The following PALM3 variants were observed in gnomAD, a reference collection of about 807,000 sequenced individuals.
The protein encoded by PALM3 is paralemmin-3.
PALM3 carries 20 observed loss-of-function variants against 27.9 expected under a neutral mutation model. The ratio of observed to expected loss-of-function variants is 0.72; its 90% CI spans 0.50 to 1.04. PALM3 has a LOEUF of 1.04. Ranked by LOEUF, PALM3 falls within the 50% of genes least tolerant of loss-of-function variation. The pLI is 0.00. For missense variants in PALM3, 814 were observed against 869.4 expected (o/e 0.94, Z 0.80); for synonymous variants, 328 against 352.7 (o/e 0.93, Z 0.79).
Position 14,057,243 on chromosome 19 carries a change from T to TC in PALM3, c.171+107dup, listed in dbSNP as rs1264189249. ...GGAACCAACGCCCCCAACTGCCCGC[T>TC]CCCCCCCAAAAATTGGACAGAGGCT... On this transcript the variant is annotated intron_variant, in intron 3 of 6. Transcript: ENST00000669674. 20 of 125,768 alleles carry TC rather than the reference T, an allele frequency of 1.6e-4. No individual in the cohort carries two copies. The Admixed American group carries it at 1.8e-3, about 11-fold the overall frequency. 7.8% of individuals were successfully genotyped at this position (125,768 alleles called of 1,614,324 possible).
At chr19:14,058,943 G>T (rs965486015) in intron 2 of PALM3, among the ~76,000 whole-genome samples, 172 bp downstream of exon 2, 3 of 151,954 alleles carry the variant, frequency 2.0e-5, no homozygotes, top group Non-Finnish European at 4.4e-5. Context: ...CCATTCTGAG[G>T]GTGGTAGTGA....
In PALM3 at chr19:14,057,409, T is replaced by A. The variant is rs1157679599; in HGVS notation, c.113A>T (p.Glu38Val). 1.3e-6 allele frequency: 2 copies of A among 1,541,364 alleles called. No homozygotes were observed. The highest frequency in any genetic ancestry group is 3.9e-5 in the Admixed American group (2 of 50,774). The change falls in exon 3 of 7, where the codon GAG becomes GTG. Residue 38 changes from glutamate to valine, a missense_variant. Transcript: ENST00000669674. ...CACCTCCCGGCGCGCGGCGCGGATCTCCTCCTGCAGCCGCCGCTTCTCCTG... is the reference window on the plus strand; with the variant it reads ...CACCTCCCGGCGCGCGGCGCGGATCACCTCCTGCAGCCGCCGCTTCTCCTG... ...VIAEKRRLQE[E>V]IRAARREVEE...
chr19:14,054,672 C>T lies in PALM3; in HGVS notation c.1000G>A (p.Glu334Lys). 6.4e-7 allele frequency: 1 copy of T among 1,551,434 alleles called. No homozygotes were observed. Among genetic ancestry groups the T allele is most frequent in the Non-Finnish European group, 8.7e-7 (1 of 1,146,814 alleles). ...TCAGGGCTGCCCTGGGGCACATCTT[C>T]CCCTTCTATGGAAGCTGCTGCCTCT... ...RLEAAASIEGEDVPQGSPEGD... is the reference protein window; with the variant it reads ...RLEAAASIEGKDVPQGSPEGD... The change falls in exon 7 of 7, where the codon GAA becomes AAA. Residue 334 changes from glutamate (E) to lysine (K), a missense_variant. Physicochemically the swap from Glu to Lys is moderately conservative, Grantham distance 56. Transcript: ENST00000669674.
In PALM3 at chr19:14,056,472, C is replaced by T; in HGVS notation, c.356G>A (p.Gly119Asp). ...CCTGCCTGAGGGCTTGTGCTGGGCA[C>T]CTGTGGAAGCACTTTGCAACAGTTG... ...QLQLLQSASTGAQHKPSGRPS... is the reference protein window; with the variant it reads ...QLQLLQSASTDAQHKPSGRPS... The change falls in exon 5 of 7, where the codon GGT becomes GAT. Residue 119 changes from glycine to aspartate, a missense_variant. Coordinates refer to ENST00000669674, the MANE Select transcript of PALM3 (RefSeq NM_001145028.2). The T allele has an allele frequency of 6.4e-7, 1 of 1,551,694 alleles. No homozygotes were observed. The highest frequency in any genetic ancestry group is 1.4e-5 in the African/African-American group (1 of 73,170).
rs1976369280 is a variant in PALM3, at chr19:14,058,985, G to T, written c.90+130C>A. ...AGGAACTGGGGGGCAGAGGGGGCTG[G>T]AGAATTGGTGTGGGGAGCCCTGGGC... On this transcript the variant is annotated intron_variant, in intron 2 of 6. Coordinates refer to ENST00000669674, the MANE Select transcript of PALM3 (RefSeq NM_001145028.2). 5 of 777,256 alleles carry T rather than the reference G, an allele frequency of 6.4e-6. No individual in the cohort carries two copies. The South Asian group carries it at 9.2e-5, about 14-fold the overall frequency. 48.1% of individuals were successfully genotyped at this position (777,256 alleles called of 1,614,324 possible).
intron 2 of PALM3, among the ~76,000 whole-genome samples, chr19:14,058,625 GGTAT>G (rs1420893211): frequency 1.3e-5 from 2 of 151,838 alleles, no homozygotes; most frequent in South Asian, 4.2e-4. Context: ...GGATAGATGG[GGTAT>G]GTAAGTGCGT....
rs1976263626 is a variant in PALM3 at position 14,054,641 on chromosome 19, T to C, written c.1031A>G (p.Asp344Gly). 1 of 1,551,290 alleles carries C rather than the reference T, an allele frequency of 6.4e-7. No homozygotes were observed. Among genetic ancestry groups the C allele is most frequent in the Non-Finnish European group, 8.7e-7 (1 of 1,146,782 alleles). Residue 344 changes from aspartate to glycine, a missense_variant, in exon 7 of 7, where the codon GAT (aspartate) becomes GGT (glycine). Coordinates refer to ENST00000669674, the MANE Select transcript of PALM3 (RefSeq NM_001145028.2). ...EDVPQGSPEG[D>G]GQGGSGGEEG... Reference sequence around the variant, plus strand: ...CTCTCCTCCAGAGCCTCCCTGCCCATCACCCTCAGGGCTGCCCTGGGGCAC... The same window carrying C: ...CTCTCCTCCAGAGCCTCCCTGCCCACCACCCTCAGGGCTGCCCTGGGGCAC...
intron 1 of PALM3, among the ~76,000 whole-genome samples, chr19:14,060,133 G>A (rs976601793): frequency 5.3e-5 from 8 of 152,052 alleles, no homozygotes; most frequent in Non-Finnish European, 8.8e-5. Context: ...CTCTCTGCCT[G>A]TCATCTCCAC....
At chr19:14,056,297 G>A in intron 5 of PALM3, 132 bp downstream of exon 5, 1 of 892,076 alleles carries the variant, frequency 1.1e-6, no homozygotes, top group African/African-American at 1.7e-5. Context: ...CAAAGTAAAA[G>A]CGGGAAGCGG....
In PALM3 at chr19:14,056,890, G is replaced by A. The variant is rs1336673726; in HGVS notation, c.172-86C>T. On this transcript the variant is annotated intron_variant, in intron 3 of 6. Transcript: ENST00000669674. ...CCTCCCGACCTCTGCAGGCTGGGCA[G>A]GTATCTTATCACCACCTCACAACCA... 11 of 1,381,714 alleles carry A rather than the reference G, an allele frequency of 8.0e-6. No homozygotes were observed. In the African/African-American group the frequency reaches 1.4e-4, roughly 17 times the overall value. 85.6% of individuals were successfully genotyped at this position (1,381,714 alleles called of 1,614,324 possible).
intron 1 of PALM3, among the ~76,000 whole-genome samples, chr19:14,060,852 C>T (rs1193858388): frequency 6.6e-6 from 1 of 152,264 alleles, no homozygotes; most frequent in Non-Finnish European, 1.5e-5. Flanking sequence ...CCCCCGCTTC[C>T]TGGGTTCAAG....
chr19:14,058,848 C>T (rs1342721289), intron 2 of PALM3, among the ~76,000 whole-genome samples: 1 of 151,822 alleles, frequency 6.6e-6, no homozygotes, highest in African/African-American at 2.4e-5. Flanking sequence ...AGAGATGCGG[C>T]TCAGGCATGG....
rs956062963 is a variant in PALM3 at position 14,054,940 on chromosome 19, C to T, written c.732G>A (p.Glu244=). 1.9e-6 allele frequency: 3 copies of T among 1,549,506 alleles called. No homozygotes were observed. Among genetic ancestry groups the T allele is most frequent in the Non-Finnish European group, 2.6e-6 (3 of 1,146,936 alleles). ...GGCCCGTGGCCCCTGTGGCACAGTCCTCTGTGGCCCTCAGCCCTTCCCACA... is the reference window on the plus strand; with the variant it reads ...GGCCCGTGGCCCCTGTGGCACAGTCTTCTGTGGCCCTCAGCCCTTCCCACA... The part of the protein sequence containing the change: ...SVVWEGLRAT[E]DCATGATGPE... Residue 244 remains glutamate (E), a synonymous_variant, in exon 7 of 7, where the codon GAG becomes GAA. Coordinates refer to ENST00000669674, the MANE Select transcript of PALM3 (RefSeq NM_001145028.2).
intron 1 of PALM3, among the ~76,000 whole-genome samples, chr19:14,060,711 A>G (rs951348878): frequency 6.6e-6 from 1 of 152,122 alleles, no homozygotes; most frequent in Non-Finnish European, 1.5e-5. Context: ...AAGGTAGCTA[A>G]GAGAGCAGCC....
chr19:14,057,314 TC>T, intron 3 of PALM3, 36 bp downstream of exon 3: 1 of 1,412,136 alleles, frequency 7.1e-7, no homozygotes, highest in Non-Finnish European at 9.4e-7. Context: ...CCCACTCCAT[TC>T]CCCAGGCTAG....
At position 14,054,193 on chromosome 19, in the gene PALM3, CTCT is replaced by C. The variant is rs761890735; in HGVS notation, c.1476_1478del (p.Glu496del). The C allele has an allele frequency of 1.1e-5, 17 of 1,551,868 alleles. No individual in the cohort carries two copies. The highest frequency in any genetic ancestry group is 8.2e-5 in the African/African-American group (6 of 72,926). Reference sequence around the variant, plus strand: ...CCAATGGTTCTTCTACCTCCTCCTCCTCTGCCCCTCGCTTTTCCTCATCTCCTT... The same window carrying C: ...CCAATGGTTCTTCTACCTCCTCCTCCGCCCCTCGCTTTTCCTCATCTCCTT... On this transcript the variant is annotated inframe_deletion, in exon 7 of 7. Coordinates refer to ENST00000669674, the MANE Select transcript of PALM3 (RefSeq NM_001145028.2).
At position 14,055,134 on chromosome 19, in the gene PALM3, C is replaced by T; in HGVS notation, c.538G>A (p.Gly180Arg). The T allele has an allele frequency of 6.4e-7, 1 of 1,551,218 alleles. No individual in the cohort carries two copies. The highest frequency in any genetic ancestry group is 1.7e-4 in the Middle Eastern group (1 of 5,988). The part of the protein sequence containing the change: ...SPSEPREDVL[G>R]FLPGPRQVPG... ...ACCTGCCTCGGGCCTGGCAGAAACC[C>T]CAAGACATCCTCCCTGGGCTCAGAG... is the stretch of plus-strand genomic sequence containing the variant. Residue 180 changes from glycine (G) to arginine (R), a missense_variant, in exon 7 of 7, where the codon GGG (glycine) becomes AGG (arginine). Transcript: ENST00000669674.
Position 14,055,139 on chromosome 19 carries a change from A to G in PALM3, c.533T>C (p.Val178Ala), listed in dbSNP as rs1355125474. ...PESPSEPREDVLGFLPGPRQV... is the reference protein window; with the variant it reads ...PESPSEPREDALGFLPGPRQV... The stretch of plus-strand genomic sequence containing the variant: ...CCTCGGGCCTGGCAGAAACCCCAAG[A>G]CATCCTCCCTGGGCTCAGAGGGGGA... The change falls in exon 7 of 7, where the codon GTC becomes GCC. Residue 178 changes from valine to alanine, a missense_variant. Coordinates refer to ENST00000669674, the MANE Select transcript of PALM3 (RefSeq NM_001145028.2). The G allele has an allele frequency of 6.5e-7, 1 of 1,550,016 alleles. No homozygotes were observed. Among genetic ancestry groups the G allele is most frequent in the African/African-American group, 1.4e-5 (1 of 71,902 alleles).
chr19:14,056,642 GC>G lies in PALM3; in HGVS notation c.314+19del, dbSNP rs1568508132. 1.9e-6 allele frequency: 3 copies of G among 1,551,648 alleles called. No individual in the cohort carries two copies. The African/African-American group carries it at 4.1e-5, about 21-fold the overall frequency. On this transcript the variant is annotated intron_variant, in intron 4 of 6. Transcript: ENST00000669674. ...CCAGCTGGGGCAGGGTTCGGGCAGA[GC>G]TAGAAGGTCTCCACTCACGTGAACA...
Sources: allele counts gnomAD v4.1 joint callset (sites outside exome capture counted in the v4.1 genomes callset), GRCh38; gene constraint gnomAD v4.1.1; transcripts MANE v1.5; gene names NCBI Gene and HGNC (gene_info 2026-07-23, HGNC 2026-07-21).